The following AOAH variants were observed in gnomAD, a reference collection of about 807,000 sequenced individuals.
AOAH encodes the protein acyloxyacyl hydrolase (neutrophil).
AOAH carries 64 observed loss-of-function variants against 92.2 expected under a neutral mutation model. The observed-to-expected ratio is 0.69, with a 90% CI of 0.57 to 0.86. The LOEUF (loss-of-function observed/expected upper bound fraction) is 0.86, where lower values mean the gene tolerates loss of function less well. AOAH is among the 40% of genes least tolerant of loss of function. The pLI is 0.00. For synonymous variants in AOAH, 263 were observed against 254.5 expected (o/e 1.03, Z -0.32); for missense variants, 656 against 694.6 (o/e 0.94, Z 0.62).
chr7:36,562,861 A>G (rs1244503125), intron 13 of AOAH, among the ~76,000 whole-genome samples: 3 of 152,048 alleles, frequency 2.0e-5, no homozygotes, highest in East Asian at 3.9e-4. Flanking sequence ...AATAAGAAAA[A>G]AGGCAGGCCA....
chr7:36,561,134 C>T (rs1368990760), intron 13 of AOAH, among the ~76,000 whole-genome samples: 2 of 151,552 alleles, frequency 1.3e-5, no homozygotes, highest in African/African-American at 4.9e-5. Context: ...CTCCACCTCC[C>T]AGGTTCAAGG....
rs571861182 is a variant in AOAH, at chr7:36,529,272, T to G, written c.1522+1146A>C. On this transcript the variant is annotated intron_variant, in intron 19 of 20. Transcript: ENST00000617537. The stretch of plus-strand genomic sequence containing the variant: ...CATGTGAGTGTTAGACATTATTATA[T>G]TTTTAATAACTTTATCTATATTCAA... Among the ~76,000 whole-genome samples the G allele has an allele frequency of 1.7e-4, 26 of 152,338 alleles. 1 individual carries two copies. In the East Asian group the frequency reaches 5.0e-3, roughly 29 times the overall value.
intron 19 of AOAH, among the ~76,000 whole-genome samples, chr7:36,529,050 C>T (rs182719028): frequency 6.6e-6 from 1 of 152,260 alleles, no homozygotes; most frequent in African/African-American, 2.4e-5. Flanking sequence ...GGTACCTTTT[C>T]TGTGTACCAG....
At chr7:36,658,388 A>AT (rs1229225285) in intron 4 of AOAH, among the ~76,000 whole-genome samples, 3 of 152,010 alleles carry the variant, frequency 2.0e-5, no homozygotes, top group African/African-American at 7.2e-5. Context: ...AAGGCAAAGA[A>AT]TTTTTTTTCA....
At chr7:36,584,968 G>A (rs561293448) in intron 12 of AOAH, among the ~76,000 whole-genome samples, 3 of 152,292 alleles carry the variant, frequency 2.0e-5, no homozygotes, top group Admixed American at 6.5e-5. Context: ...ACAAAATGAA[G>A]TCACCTGATT....
chr7:36,521,983 TAAA>T, intron 20 of AOAH, 53 bp downstream of exon 20: 1 of 1,476,986 alleles, frequency 6.8e-7, no homozygotes, highest in South Asian at 1.1e-5. Context: ...TAACCATAAT[TAAA>T]AACCAACAAA....
At chr7:36,706,849 C>A (rs1798446483) in intron 1 of AOAH, among the ~76,000 whole-genome samples, 1 of 152,116 alleles carries the variant, frequency 6.6e-6, no homozygotes, top group Admixed American at 6.6e-5. Context: ...GCTTCCTCAC[C>A]TCTCCTAGCC....
chr7:36,525,968 C>T (rs534505368), intron 19 of AOAH, among the ~76,000 whole-genome samples: 2 of 152,260 alleles, frequency 1.3e-5, no homozygotes, highest in South Asian at 4.1e-4. Context: ...ACTTGCCAAG[C>T]TTTGCGGGGG....
intron 15 of AOAH, among the ~76,000 whole-genome samples, chr7:36,546,691 T>C (rs983400969): frequency 1.3e-5 from 2 of 152,238 alleles, no homozygotes; most frequent in African/African-American, 4.8e-5. Flanking sequence ...ATGTTCTTTA[T>C]TCAGTATAGT....
chr7:36,533,512 G>A (rs144272426), intron 16 of AOAH, among the ~76,000 whole-genome samples: 18 of 152,208 alleles, frequency 1.2e-4, no homozygotes, highest in African/African-American at 4.1e-4. Context: ...ACAGTGACCC[G>A]CCAGGTCTGT....
intron 1 of AOAH, among the ~76,000 whole-genome samples, chr7:36,721,768 C>A (rs1224996780): frequency 6.6e-6 from 1 of 152,190 alleles, no homozygotes; most frequent in Non-Finnish European, 1.5e-5. Context: ...CATTTCTTGA[C>A]CCTCTCCATC....
chr7:36,554,023 A>T (rs527618788), intron 13 of AOAH, among the ~76,000 whole-genome samples: 267 of 152,160 alleles, frequency 1.8e-3, no homozygotes, highest in African/African-American at 6.1e-3. Context: ...TTTTGTTGCC[A>T]TTGCTTTTGG....
chr7:36,576,292 C>T (rs75116249), intron 13 of AOAH, among the ~76,000 whole-genome samples: 13,907 of 152,236 alleles, frequency 0.091, 731 homozygotes, highest in Admixed American at 0.14. Context: ...TCCTGAGCCT[C>T]AAACATCCTG....
At chr7:36,683,027 C>A (rs148233208) in intron 2 of AOAH, among the ~76,000 whole-genome samples, 219 of 152,144 alleles carry the variant, frequency 1.4e-3, no homozygotes, top group African/African-American at 5.2e-3. Context: ...CAGCTGGCAC[C>A]AAATTATCTT....
At chr7:36,605,963 A>G (rs1455685486) in intron 11 of AOAH, among the ~76,000 whole-genome samples, 1 of 152,210 alleles carries the variant, frequency 6.6e-6, no homozygotes, top group African/African-American at 2.4e-5. Context: ...TCTCCTCATC[A>G]CCTAGCATCT....
At chr7:36,535,042 G>C (rs796915445) in intron 16 of AOAH, among the ~76,000 whole-genome samples, 11 of 84,350 alleles carry the variant, frequency 1.3e-4, no homozygotes, top group Admixed American at 5.3e-4. Flanking sequence ...GTGTCTGTGT[G>C]TGTGTATGTG....
chr7:36,537,240 T>TC, intron 16 of AOAH, among the ~76,000 whole-genome samples: 2 of 151,428 alleles, frequency 1.3e-5, no homozygotes, highest in Non-Finnish European at 2.9e-5. Context: ...GATTGGATTT[T>TC]TTTTTTTTTT....
At position 36,569,423 on chromosome 7, in the gene AOAH, G is replaced by A. The variant is rs561707029; in HGVS notation, c.1021+7151C>T. 2.6e-5 allele frequency among the ~76,000 whole-genome samples: 4 copies of A among 152,032 alleles called. No homozygotes were observed. The South Asian group carries it at 8.3e-4, about 32-fold the overall frequency. ...TTCTGTTCAAAAGCAGATGAGTCTT[G>A]TTTACTTTAGAGGTATGTGCCTTAC... On this transcript the variant is annotated intron_variant, in intron 13 of 20. Coordinates refer to ENST00000617537, the MANE Select transcript of AOAH (RefSeq NM_001637.4).
chr7:36,708,477 C>T (rs1007735890), intron 1 of AOAH, among the ~76,000 whole-genome samples: 2 of 152,174 alleles, frequency 1.3e-5, no homozygotes, highest in South Asian at 2.1e-4. Context: ...TTAATTCTTT[C>T]GCTATGGTGG....
Sources: gnomAD v4.1 joint callset for allele counts (sites outside exome capture counted in the v4.1 genomes callset) on GRCh38, gnomAD v4.1.1 for gene constraint, MANE v1.5 for transcripts, NCBI Gene and HGNC (gene_info 2026-07-23, HGNC 2026-07-21) for gene names.